The following CDKAL1 variants were observed in gnomAD, a reference collection of about 807,000 sequenced individuals.
The protein encoded by CDKAL1 is CDKAL1 threonylcarbamoyladenosine tRNA methylthiotransferase.
CDKAL1 carries 32 observed loss-of-function variants against 68.2 expected under a neutral mutation model. That is an observed-to-expected ratio of 0.47 (90% CI 0.35 to 0.63). CDKAL1 has a LOEUF of 0.63. CDKAL1 is among the 30% of genes least tolerant of loss of function. The pLI, the probability that CDKAL1 is intolerant of heterozygous loss-of-function variation, is 0.00. For synonymous variants in CDKAL1, 234 were observed against 244.3 expected (o/e 0.96, Z 0.39); for missense variants, 606 against 696.7 (o/e 0.87, Z 1.47).
At chr6:21,099,266 T>C (rs1200091267) in intron 12 of CDKAL1, among the ~76,000 whole-genome samples, 1 of 152,194 alleles carries the variant, frequency 6.6e-6, no homozygotes, top group African/African-American at 2.4e-5. Context: ...TTATAGGCCA[T>C]ACATTTTCTA....
At chr6:20,908,277 T>C (rs1024069671) in intron 9 of CDKAL1, among the ~76,000 whole-genome samples, 1 of 152,200 alleles carries the variant, frequency 6.6e-6, no homozygotes, top group Non-Finnish European at 1.5e-5. Flanking sequence ...TAAATGACAG[T>C]CTTGAATATG....
intron 11 of CDKAL1, among the ~76,000 whole-genome samples, chr6:21,025,434 T>C (rs1768901116): frequency 6.6e-6 from 1 of 152,206 alleles, no homozygotes; most frequent in Non-Finnish European, 1.5e-5. Context: ...TATTATATAC[T>C]TAATCAAATT....
intron 13 of CDKAL1, among the ~76,000 whole-genome samples, chr6:21,165,579 C>T (rs938058773): frequency 1.3e-5 from 2 of 152,204 alleles, no homozygotes; most frequent in African/African-American, 2.4e-5. Context: ...TTTGAGAGCT[C>T]GTAGAAGAAA....
At chr6:20,731,506 T>C (rs995118265) in intron 5 of CDKAL1, among the ~76,000 whole-genome samples, 1 of 152,192 alleles carries the variant, frequency 6.6e-6, no homozygotes, top group East Asian at 1.9e-4. Flanking sequence ...ACTGGAAGGA[T>C]GGACTTGCTG....
chr6:20,810,392 TCACACACA>T (rs59104508), intron 8 of CDKAL1, among the ~76,000 whole-genome samples: 15,703 of 115,346 alleles, frequency 0.14, 1,271 homozygotes, highest in East Asian at 0.21. Context: ...TCTCTCTCTG[TCACACACA>T]CACACACACA....
At chr6:21,052,555 T>G (rs915800320) in intron 11 of CDKAL1, among the ~76,000 whole-genome samples, 33 of 145,088 alleles carry the variant, frequency 2.3e-4, no homozygotes, top group African/African-American at 8.1e-4. Context: ...TTTTTTTTTG[T>G]AAAGACAGGG....
chr6:20,557,050 A>AATAAATAAAT (rs1554149924), intron 4 of CDKAL1, among the ~76,000 whole-genome samples: 9 of 88,966 alleles, frequency 1.0e-4, no homozygotes, highest in African/African-American at 2.1e-4. Context: ...TCAAAAAAAA[A>AATAAATAAAT]AAATAAATAA....
chr6:21,115,967 C>T (rs184586171), intron 13 of CDKAL1, among the ~76,000 whole-genome samples: 74 of 152,156 alleles, frequency 4.9e-4, no homozygotes, highest in African/African-American at 1.8e-3. Context: ...GTAACCCTAG[C>T]CATTCCTTGC....
intron 9 of CDKAL1, among the ~76,000 whole-genome samples, chr6:20,862,215 G>A (rs1759668098): frequency 6.6e-6 from 1 of 152,164 alleles, no homozygotes. Flanking sequence ...AAATCACACA[G>A]CCAGTGGCCA....
At chr6:21,147,455 G>C (rs923624840) in intron 13 of CDKAL1, among the ~76,000 whole-genome samples, 1 of 152,148 alleles carries the variant, frequency 6.6e-6, no homozygotes, top group Non-Finnish European at 1.5e-5. Flanking sequence ...TCACACAAAG[G>C]CTTAGAGGTG....
chr6:20,666,242 G>C (rs1769537022), intron 5 of CDKAL1, among the ~76,000 whole-genome samples: 2 of 151,056 alleles, frequency 1.3e-5, no homozygotes, highest in Non-Finnish European at 1.5e-5. Flanking sequence ...GGGAAATACA[G>C]ACCAAGTGAG....
intron 5 of CDKAL1, among the ~76,000 whole-genome samples, chr6:20,664,814 A>G (rs1433693894): frequency 1.3e-5 from 2 of 152,164 alleles, no homozygotes; most frequent in Admixed American, 6.6e-5. Flanking sequence ...AGATACTTGT[A>G]TATCGAGAAA....
chr6:20,993,360 AC>A (rs1368539660), intron 10 of CDKAL1: 1 of 152,182 alleles, frequency 6.6e-6, no homozygotes, highest in Admixed American at 6.5e-5. Flanking sequence ...GCTGAAAACA[AC>A]AGAGCAGTGT....
At chr6:20,820,086 G>A (rs1255397673) in intron 8 of CDKAL1, among the ~76,000 whole-genome samples, 2 of 152,144 alleles carry the variant, frequency 1.3e-5, no homozygotes, top group African/African-American at 4.8e-5. Context: ...TTCCCTCCAA[G>A]TTCTTGCTTC....
chr6:20,928,016 T>C (rs957179450), intron 9 of CDKAL1, among the ~76,000 whole-genome samples: 17 of 152,202 alleles, frequency 1.1e-4, no homozygotes, highest in Non-Finnish European at 2.5e-4. Flanking sequence ...AAAAGGGAAA[T>C]GTTTTGTCTC....
At chr6:20,903,146 A>T (rs993491815) in intron 9 of CDKAL1, among the ~76,000 whole-genome samples, 1 of 152,160 alleles carries the variant, frequency 6.6e-6, no homozygotes, top group Non-Finnish European at 1.5e-5. Context: ...GAACAGCCAA[A>T]CTAAAAACAC....
At chr6:20,676,703 A>AAAAT (rs1562018280) in intron 5 of CDKAL1, among the ~76,000 whole-genome samples, 1 of 137,338 alleles carries the variant, frequency 7.3e-6, no homozygotes, top group Non-Finnish European at 1.5e-5. Flanking sequence ...ATAAATAAAT[A>AAAAT]AAATAAAATA....
At chr6:20,667,989 T>C (rs1769633453) in intron 5 of CDKAL1, among the ~76,000 whole-genome samples, 1 of 151,984 alleles carries the variant, frequency 6.6e-6, no homozygotes, top group South Asian at 2.1e-4. Context: ...CCATAATGTA[T>C]ACAAATGACT....
At chr6:20,896,995 A>C (rs1245625521) in intron 9 of CDKAL1, among the ~76,000 whole-genome samples, 2 of 152,216 alleles carry the variant, frequency 1.3e-5, no homozygotes, top group Non-Finnish European at 2.9e-5. Flanking sequence ...CCTTCGAATG[A>C]GTATAAACAG....
Sources: allele counts gnomAD v4.1 joint callset (sites outside exome capture counted in the v4.1 genomes callset), GRCh38; gene constraint gnomAD v4.1.1; transcripts MANE v1.5; gene names NCBI Gene and HGNC (gene_info 2026-07-23, HGNC 2026-07-21).